PCMT1: variants seen among roughly 807,000 people sequenced by gnomAD.
The protein encoded by PCMT1 is protein-L-isoaspartate (D-aspartate) O-methyltransferase, also known as protein-L-isoaspartate(D-aspartate) O-methyltransferase.
Under a neutral mutation model 29.2 loss-of-function variants are expected in PCMT1, and 9 were observed. The ratio of observed to expected loss-of-function variants is 0.31; its 90% CI spans 0.19 to 0.54. The LOEUF is 0.54. Among genes scored for constraint, PCMT1 ranks in the 20% least tolerant of loss-of-function variants. The pLI, the probability that PCMT1 is intolerant of heterozygous loss-of-function variation, is 0.95. For missense variants in PCMT1, 184 were observed against 282.2 expected (o/e 0.65, Z 2.49); for synonymous variants, 98 against 97.5 (o/e 1.00, Z -0.03).
At position 149,762,986 on chromosome 6, in the gene PCMT1, CTATGATATA is replaced by C. The variant is rs1202836657; in HGVS notation, c.56-8163_56-8155del. On this transcript the variant is annotated intron_variant, in intron 1 of 7. Transcript: ENST00000464889. ...TCTATGATATATATGATATATATAT[CTATGATATA>C]TATGATATATATATCTATGATATAT... Among the ~76,000 whole-genome samples the C allele has an allele frequency of 2.3e-4, 13 of 56,052 alleles. 3 individuals carry two copies. Among genetic ancestry groups the C allele is most frequent in the African/African-American group, 3.6e-4 (2 of 5,618 alleles). The allele number at this position is 56,052 out of a possible 152,430, so 36.8% of individuals were successfully genotyped here.
In PCMT1 at chr6:149,763,255, TATG is replaced by T. The variant is rs949726431; in HGVS notation, c.56-7904_56-7902del. On this transcript the variant is annotated intron_variant, in intron 1 of 7. Transcript: ENST00000464889. ...CTATGATATCTATGATATATATATC[TATG>T]ATATCTATGATATAAATATCTATGA... is the stretch of plus-strand genomic sequence containing the variant. 3.8e-5 allele frequency among the ~76,000 whole-genome samples: 3 copies of T among 79,514 alleles called. 1 individual carries two copies. Among genetic ancestry groups the T allele is most frequent in the Non-Finnish European group, 5.9e-5 (3 of 50,764 alleles). 52.2% of individuals were successfully genotyped at this position (79,514 alleles called of 152,430 possible).
intron 7 of PCMT1, among the ~76,000 whole-genome samples, chr6:149,806,216 C>T (rs1314291152): frequency 6.6e-6 from 1 of 152,096 alleles, no homozygotes; most frequent in Non-Finnish European, 1.5e-5. Flanking sequence ...ATGGAGCTTA[C>T]AGTAACGTAG....
At chr6:149,807,350 C>T (rs1776044587) in intron 7 of PCMT1, among the ~76,000 whole-genome samples, 1 of 151,740 alleles carries the variant, frequency 6.6e-6, no homozygotes, top group Non-Finnish European at 1.5e-5. Flanking sequence ...TGTTAATCTT[C>T]TGGTAAAAGT....
chr6:149,797,893 AAGT>A (rs1355877401), intron 6 of PCMT1: 3 of 152,018 alleles, frequency 2.0e-5, no homozygotes, highest in African/African-American at 7.3e-5. Context: ...TAAAAAAAAA[AAGT>A]AGCTCACGCC....
intron 1 of PCMT1, among the ~76,000 whole-genome samples, chr6:149,754,891 A>G (rs1049205468): frequency 2.6e-5 from 4 of 152,224 alleles, no homozygotes; most frequent in African/African-American, 9.6e-5. Context: ...TAATGGACCC[A>G]AAGTGCAAGA....
intron 1 of PCMT1, among the ~76,000 whole-genome samples, chr6:149,753,709 C>T (rs565558892): frequency 4.6e-5 from 7 of 152,128 alleles, no homozygotes; most frequent in Admixed American, 4.6e-4. Flanking sequence ...TTTTGTTTTC[C>T]TTTTGTATTA....
At chr6:149,755,731 CAGGCA>C (rs1786480688) in intron 1 of PCMT1, among the ~76,000 whole-genome samples, 2 of 152,130 alleles carry the variant, frequency 1.3e-5, no homozygotes, top group East Asian at 3.9e-4. Flanking sequence ...TTCTATATGA[CAGGCA>C]CTGGGGATAC....
intron 3 of PCMT1, among the ~76,000 whole-genome samples, chr6:149,784,458 G>T (rs1364724393): frequency 6.6e-6 from 1 of 151,134 alleles, no homozygotes; most frequent in Non-Finnish European, 1.5e-5. Flanking sequence ...TACTAATCTT[G>T]TTTTATTTAA....
intron 4 of PCMT1, 109 bp from the exon 5 acceptor site, chr6:149,793,440 T>G: frequency 1.1e-6 from 1 of 937,426 alleles, no homozygotes; most frequent in Non-Finnish European, 1.4e-6. Flanking sequence ...CTTAAGCTAT[T>G]TTTGTTTTCT....
In PCMT1 at chr6:149,749,898, A is replaced by C. The variant is rs1425490787; in HGVS notation, c.-4A>C. 6.2e-7 allele frequency: 1 copy of C among 1,608,708 alleles called. No homozygotes were observed. The highest frequency in any genetic ancestry group is 1.3e-5 in the African/African-American group (1 of 74,990). Reference sequence around the variant, plus strand: ...TTCTGTACCTGCTCCGAGTGTGCTTAGCGATGGCCTGGAAATCCGGCGGCG... The same window carrying C: ...TTCTGTACCTGCTCCGAGTGTGCTTCGCGATGGCCTGGAAATCCGGCGGCG... On this transcript the variant is annotated 5_prime_UTR_variant, in exon 1 of 8. Coordinates refer to ENST00000464889, the MANE Select transcript of PCMT1 (RefSeq NM_001360452.2).
chr6:149,794,022 C>T (rs1368761184), intron 5 of PCMT1, among the ~76,000 whole-genome samples: 2 of 152,034 alleles, frequency 1.3e-5, no homozygotes, highest in Admixed American at 6.6e-5. Flanking sequence ...ATTTCTTCTC[C>T]CATCTGAGGT....
intron 1 of PCMT1, among the ~76,000 whole-genome samples, chr6:149,766,121 C>G (rs974524451): frequency 6.6e-6 from 1 of 151,450 alleles, no homozygotes; most frequent in African/African-American, 2.4e-5. Context: ...ATTCTTTCTA[C>G]TTTGTCAGAA....
intron 2 of PCMT1, chr6:149,772,080 C>T (rs767699860): frequency 1.3e-5 from 6 of 456,680 alleles, no homozygotes; most frequent in South Asian, 4.6e-5. Context: ...TGGCAGTGGG[C>T]GCCTTTGAGG....
At chr6:149,788,595 G>A (rs1788219926) in intron 3 of PCMT1, among the ~76,000 whole-genome samples, 1 of 152,186 alleles carries the variant, frequency 6.6e-6, no homozygotes, top group African/African-American at 2.4e-5. Flanking sequence ...CAGAAATGAA[G>A]TATCTTAGCA....
Position 149,789,969 on chromosome 6 carries a change from G to T in PCMT1, c.208G>T (p.Glu70Ter). 1 of 1,607,208 alleles carries T rather than the reference G, an allele frequency of 6.2e-7. No homozygotes were observed. Residue 70 changes from glutamate (E) to a stop codon, truncating the protein, a stop_gained, in exon 4 of 8, where the codon GAA becomes TAA. Coordinates refer to ENST00000464889, the MANE Select transcript of PCMT1 (RefSeq NM_001360452.2). LOFTEE classifies it high-confidence loss of function. ...CTTTTGGCAGCATGCATATGCGCTA[G>T]AACTTCTATTTGATCAGTTGCATGA... ...SAPHMHAYAL[E>*]LLFDQLHEGA...
chr6:149,781,601 C>CT (rs1787819699), intron 3 of PCMT1, among the ~76,000 whole-genome samples: 6 of 152,156 alleles, frequency 3.9e-5, no homozygotes, highest in Admixed American at 3.3e-4. Flanking sequence ...AGCAATCCTC[C>CT]TGCCTGTGCC....
chr6:149,792,446 T>A (rs1231665925), intron 4 of PCMT1, among the ~76,000 whole-genome samples: 1 of 152,222 alleles, frequency 6.6e-6, no homozygotes, highest in Non-Finnish European at 1.5e-5. Flanking sequence ...TATTTTTTCT[T>A]GAAACATTTA....
intron 1 of PCMT1, among the ~76,000 whole-genome samples, chr6:149,769,836 T>C (rs1432078684): frequency 1.3e-5 from 2 of 148,342 alleles, no homozygotes; most frequent in Non-Finnish European, 3.0e-5. Flanking sequence ...GGTCTCAAGC[T>C]ATCCTCCCTG....
chr6:149,787,424 T>TG (rs1788165250), intron 3 of PCMT1, among the ~76,000 whole-genome samples: 1 of 151,354 alleles, frequency 6.6e-6, no homozygotes, highest in Non-Finnish European at 1.5e-5. Context: ...TGGAGTGCAG[T>TG]GGCGCCATCT....
Sources: gnomAD v4.1 joint callset for allele counts (sites outside exome capture counted in the v4.1 genomes callset) on GRCh38, gnomAD v4.1.1 for gene constraint, MANE v1.5 for transcripts, NCBI Gene and HGNC (gene_info 2026-07-23, HGNC 2026-07-21) for gene names.